DLGAP1: variants seen among roughly 807,000 people sequenced by gnomAD.
DLGAP1 encodes DLG associated protein 1.
A neutral mutation model predicts 90.8 loss-of-function variants in DLGAP1; 11 were observed. That is an observed-to-expected ratio of 0.12 (90% CI 0.08 to 0.20). The LOEUF is 0.20. Ranked by LOEUF, DLGAP1 falls within the 10% of genes least tolerant of loss-of-function variation. The pLI, the probability that DLGAP1 is intolerant of heterozygous loss-of-function variation, is 1.00. For missense variants in DLGAP1, 1,050 were observed against 1,333.8 expected, an observed-to-expected ratio of 0.79 and a Z score of 3.31; for synonymous variants, 558 against 540.7, an observed-to-expected ratio of 1.03 and a Z score of -0.44.
At chr18:4,110,240 A>G (rs2075949513) in intron 2 of DLGAP1, among the ~76,000 whole-genome samples, 1 of 152,250 alleles carries the variant, frequency 6.6e-6, no homozygotes, top group Non-Finnish European at 1.5e-5. Flanking sequence ...CTGTAGGCAA[A>G]TGTAACAATG....
intron 1 of DLGAP1, among the ~76,000 whole-genome samples, chr18:4,395,719 CT>C (rs1268714167): frequency 5.3e-5 from 8 of 152,178 alleles, no homozygotes; most frequent in African/African-American, 1.9e-4. Flanking sequence ...ACAGAATCTA[CT>C]TAAGTCCATA....
intron 7 of DLGAP1, chr18:3,596,658 G>A (rs1490598476): frequency 2.9e-6 from 1 of 348,134 alleles, no homozygotes; most frequent in African/African-American, 2.2e-5. Context: ...TGTAACCACA[G>A]CACACGCGTG....
chr18:3,656,706 T>C (rs542970907), intron 7 of DLGAP1, among the ~76,000 whole-genome samples: 78 of 152,260 alleles, frequency 5.1e-4, no homozygotes, highest in Non-Finnish European at 1.0e-3. Context: ...GTCAGTACCC[T>C]TGACTGATAT....
chr18:4,289,027 T>C (rs1010633030), intron 1 of DLGAP1, among the ~76,000 whole-genome samples: 14 of 152,008 alleles, frequency 9.2e-5, no homozygotes, highest in African/African-American at 3.4e-4. Flanking sequence ...TCTGGACAAA[T>C]ATGAAAATGA....
intron 2 of DLGAP1, among the ~76,000 whole-genome samples, chr18:4,023,096 G>GTT (rs1370723654): frequency 1.3e-5 from 2 of 152,038 alleles, no homozygotes; most frequent in African/African-American, 2.4e-5. Context: ...CAACTTTTTA[G>GTT]TTTTTGTCAA....
chr18:4,348,910 A>G (rs146964005), intron 1 of DLGAP1, among the ~76,000 whole-genome samples: 2 of 152,308 alleles, frequency 1.3e-5, no homozygotes, highest in Admixed American at 1.3e-4. Context: ...CAAATTCAAA[A>G]TACAAAAGGA....
intron 4 of DLGAP1, among the ~76,000 whole-genome samples, chr18:3,846,574 A>G (rs1011437640): frequency 1.3e-4 from 20 of 152,230 alleles, no homozygotes; most frequent in African/African-American, 4.8e-4. Flanking sequence ...TGAAAGGATT[A>G]AAAGTGTAGT....
chr18:4,368,833 C>T (rs2081847140), intron 1 of DLGAP1, among the ~76,000 whole-genome samples: 1 of 151,864 alleles, frequency 6.6e-6, no homozygotes, highest in South Asian at 2.1e-4. Context: ...TATTAAAATT[C>T]ATGGTTCTCT....
chr18:3,796,842 C>T (rs560158917), intron 5 of DLGAP1, among the ~76,000 whole-genome samples: 1 of 152,166 alleles, frequency 6.6e-6, no homozygotes, highest in Non-Finnish European at 1.5e-5. Flanking sequence ...GCATCACGAC[C>T]CTTCCATGAG....
intron 4 of DLGAP1, chr18:3,845,088 A>G: frequency 9.6e-7 from 1 of 1,042,042 alleles, no homozygotes; most frequent in Non-Finnish European, 1.4e-6. Flanking sequence ...TCTTTATAAA[A>G]TTGTTCATCC....
At chr18:3,850,776 A>G (rs2069292643) in intron 4 of DLGAP1, among the ~76,000 whole-genome samples, 1 of 152,220 alleles carries the variant, frequency 6.6e-6, no homozygotes, top group African/African-American at 2.4e-5. Context: ...ACATTTACAA[A>G]GAAGTAGTAT....
intron 1 of DLGAP1, among the ~76,000 whole-genome samples, chr18:4,446,558 A>G (rs750575134): frequency 6.6e-6 from 1 of 152,182 alleles, no homozygotes. Context: ...TTTAGAATGT[A>G]ATTAAAGGCT....
chr18:3,912,540 GAAACAGAAAAT>G (rs1377363292), intron 3 of DLGAP1, among the ~76,000 whole-genome samples: 1 of 152,118 alleles, frequency 6.6e-6, no homozygotes, highest in Non-Finnish European at 1.5e-5. Flanking sequence ...TCTAGTGGAA[GAAACAGAAAAT>G]AAACAGAACG....
chr18:3,563,587 A>G (rs1313105329), intron 9 of DLGAP1, among the ~76,000 whole-genome samples: 1 of 151,804 alleles, frequency 6.6e-6, no homozygotes, highest in Non-Finnish European at 1.5e-5. Context: ...CTCCTACCTC[A>G]TCCTCCCAAG....
chr18:4,154,663 T>C (rs1488521396), intron 1 of DLGAP1, among the ~76,000 whole-genome samples: 7 of 152,198 alleles, frequency 4.6e-5, no homozygotes, highest in Non-Finnish European at 1.0e-4. Flanking sequence ...AGTCCTCTTT[T>C]CATCTCAGAT....
intron 1 of DLGAP1, among the ~76,000 whole-genome samples, chr18:4,236,203 G>C (rs888549846): frequency 3.9e-5 from 6 of 152,136 alleles, no homozygotes; most frequent in African/African-American, 1.4e-4. Flanking sequence ...ATAGGATTTT[G>C]TGAGGTTTCA....
intron 1 of DLGAP1, among the ~76,000 whole-genome samples, chr18:4,186,568 C>A (rs953160040): frequency 3.3e-5 from 5 of 152,084 alleles, no homozygotes; most frequent in Non-Finnish European, 7.4e-5. Flanking sequence ...TCATCTTTGT[C>A]AAAGATCAGA....
At chr18:3,504,033 T>C (rs1265348998) in intron 11 of DLGAP1, among the ~76,000 whole-genome samples, 1 of 152,116 alleles carries the variant, frequency 6.6e-6, no homozygotes, top group Admixed American at 6.5e-5. Flanking sequence ...GAGGCGGAGA[T>C]TGCAGTGAGC....
intron 5 of DLGAP1, among the ~76,000 whole-genome samples, chr18:3,760,130 C>T (rs558066949): frequency 6.6e-6 from 1 of 152,202 alleles, no homozygotes; most frequent in African/African-American, 2.4e-5. Context: ...GCACAGGGTC[C>T]GACATGTATT....
Sources: allele counts gnomAD v4.1 joint callset (sites outside exome capture counted in the v4.1 genomes callset), GRCh38; gene constraint gnomAD v4.1.1; transcripts MANE v1.5; gene names NCBI Gene and HGNC (gene_info 2026-07-23, HGNC 2026-07-21).